Variants in A4GALT observed in about 807,000 individuals in gnomAD.
A4GALT encodes the protein alpha 1,4-galactosyltransferase (P1PK blood group).
For missense variants in A4GALT, 512 were observed against 486.0 expected (o/e 1.05, Z -0.50); for synonymous variants, 257 against 220.7 (o/e 1.16, Z -1.46).
intron 1 of A4GALT, among the ~76,000 whole-genome samples, chr22:42,719,841 G>C (rs1244328982): frequency 1.3e-5 from 2 of 152,198 alleles, no homozygotes; most frequent in African/African-American, 2.4e-5. Context: ...GACCCCAAGG[G>C]GCCTTCGCGG....
intron 1 of A4GALT, among the ~76,000 whole-genome samples, chr22:42,707,161 A>G (rs1387934303): frequency 6.6e-6 from 1 of 152,200 alleles, no homozygotes. Flanking sequence ...CCCTAGTGAT[A>G]GATACTGTGC....
chr22:42,692,838 G>A lies in A4GALT; in HGVS notation c.*52C>T, dbSNP rs6002903. 3.0e-4 allele frequency: 471 copies of A among 1,592,742 alleles called. 2 individuals are homozygous for A. In the African/African-American group the frequency reaches 5.6e-3, roughly 19 times the overall value. ...CCTCAATCTTGCCTCCCCGGGAAGG[G>A]CGGCCCAGTGCCCCATCAGGAGCAG... On this transcript the variant is annotated 3_prime_UTR_variant, in exon 3 of 3. Coordinates refer to ENST00000642412, the MANE Select transcript of A4GALT (RefSeq NM_017436.7). This position sits in a 1 kb window ranked among gnomAD's most constrained non-coding sequence, Gnocchi z 4.6.
Position 42,718,941 on chromosome 22 carries a change from C to T in A4GALT, c.-188+1856G>A, listed in dbSNP as rs143007391. Among the ~76,000 whole-genome samples the T allele has an allele frequency of 6.7e-3, 1,027 of 152,292 alleles. 11 individuals carry two copies. Among genetic ancestry groups the T allele is most frequent in the African/African-American group, 0.024 (1,003 of 41,570 alleles). On this transcript the variant is annotated intron_variant, in intron 1 of 2. Transcript: ENST00000642412. ...AGGCCGTCCACCTGCCACCACCTTC[C>T]GGGACCTGCATCCCCAGCTGAACTG...
chr22:42,709,052 T>TAA (rs1443033263), intron 1 of A4GALT, among the ~76,000 whole-genome samples: 1 of 102,870 alleles, frequency 9.7e-6, no homozygotes, highest in Non-Finnish European at 2.3e-5. Context: ...AATTTAAATA[T>TAA]ATATATATAT....
At position 42,692,980 on chromosome 22, in the gene A4GALT, C is replaced by T. The variant is rs752564398; in HGVS notation, c.972G>A (p.Thr324=). The T allele has an allele frequency of 3.7e-6, 6 of 1,613,244 alleles. No homozygotes were observed. The highest frequency in any genetic ancestry group is 1.3e-5 in the African/African-American group (1 of 74,930). The change falls in exon 3 of 3, where the codon ACG becomes ACA. Residue 324 remains threonine (T), a synonymous_variant. Coordinates refer to ENST00000642412, the MANE Select transcript of A4GALT (RefSeq NM_017436.7). The surrounding 1 kb of genome is among the most constrained non-coding windows in gnomAD (Gnocchi z 4.6). The part of the protein sequence containing the change: ...VHVWNKKSQG[T]RFEATSRALL... ...GTGCCCTGGACGTGGCCTCGAACCG[C>T]GTGCCCTGGCTCTTCTTGTTCCACA...
At chr22:42,698,840 C>T (rs534833070) in intron 1 of A4GALT, among the ~76,000 whole-genome samples, 1 of 152,214 alleles carries the variant, frequency 6.6e-6, no homozygotes, top group Non-Finnish European at 1.5e-5. Flanking sequence ...AGTAGAGAAG[C>T]CGGCCAAAAC....
At chr22:42,708,892 A>G (rs940910356) in intron 1 of A4GALT, among the ~76,000 whole-genome samples, 5 of 152,086 alleles carry the variant, frequency 3.3e-5, no homozygotes, top group Admixed American at 1.3e-4. Context: ...TAATCTACAC[A>G]GGACAACTTC....
rs1930500432 is a variant in A4GALT, at chr22:42,692,414, C to T, written c.*476G>A. ...CCCCCCGCGAAAGAGGAACCAAAAC[C>T]AGAAAAGAACAAAGCATCCTCCGCC... On this transcript the variant is annotated 3_prime_UTR_variant, in exon 3 of 3. Coordinates refer to ENST00000642412, the MANE Select transcript of A4GALT (RefSeq NM_017436.7). The surrounding 1 kb of genome is among the most constrained non-coding windows in gnomAD (Gnocchi z 4.6). 3.1e-6 allele frequency: 1 copy of T among 324,254 alleles called. No individual in the cohort carries two copies. The allele number at this position is 324,254 out of a possible 1,614,324, so 20.1% of individuals were successfully genotyped here.
chr22:42,718,922 T>C (rs2143920), intron 1 of A4GALT, among the ~76,000 whole-genome samples: 53,610 of 152,000 alleles, frequency 0.35, 9,729 homozygotes, highest in South Asian at 0.43. Flanking sequence ...GTGGAGGCCG[T>C]CCACCTGCCA....
chr22:42,697,192 G>A (rs1275818925), intron 1 of A4GALT, among the ~76,000 whole-genome samples: 3 of 152,140 alleles, frequency 2.0e-5, no homozygotes, highest in Non-Finnish European at 2.9e-5. Context: ...ATTAATGAAT[G>A]ATCAGTAAAT....
At chr22:42,713,804 C>A (rs1232178817) in intron 1 of A4GALT, among the ~76,000 whole-genome samples, 3 of 116,070 alleles carry the variant, frequency 2.6e-5, no homozygotes, top group Admixed American at 9.4e-5. Context: ...AAGAGCGAAA[C>A]TCTGTCAAAA....
chr22:42,705,322 C>T (rs1047389498), intron 1 of A4GALT, among the ~76,000 whole-genome samples: 34 of 152,254 alleles, frequency 2.2e-4, no homozygotes, highest in African/African-American at 6.0e-4. Flanking sequence ...TTGCCACAGC[C>T]GGGCGCAATG....
chr22:42,694,166 G>A (rs554602389), intron 2 of A4GALT, among the ~76,000 whole-genome samples, 169 bp from the exon 3 acceptor site: 5 of 152,372 alleles, frequency 3.3e-5, no homozygotes, highest in South Asian at 2.1e-4. Context: ...GCTCACCTAC[G>A]AAATGGGAGC....
At chr22:42,699,354 G>C (rs1230394453) in intron 1 of A4GALT, among the ~76,000 whole-genome samples, 1 of 152,098 alleles carries the variant, frequency 6.6e-6, no homozygotes, top group Non-Finnish European at 1.5e-5. Context: ...CAAAGTGCTG[G>C]GATTACAGGC....
At chr22:42,716,023 G>C (rs1479000343) in intron 1 of A4GALT, among the ~76,000 whole-genome samples, 1 of 151,810 alleles carries the variant, frequency 6.6e-6, no homozygotes, top group East Asian at 1.9e-4. Flanking sequence ...GTAGAGATAG[G>C]GTTTCTCCAT....
chr22:42,702,617 G>A (rs548145150), intron 1 of A4GALT, among the ~76,000 whole-genome samples: 2 of 152,176 alleles, frequency 1.3e-5, no homozygotes, highest in Non-Finnish European at 2.9e-5. Flanking sequence ...GATTACAGGC[G>A]TGAGCCGCCG....
chr22:42,695,355 G>A (rs1048533875), intron 2 of A4GALT, 136 bp downstream of exon 2: 6 of 152,254 alleles, frequency 3.9e-5, no homozygotes, highest in Admixed American at 2.0e-4. Flanking sequence ...CCCCTCCCAA[G>A]GACAGGCAGA....
At chr22:42,719,321 G>A (rs1368548342) in intron 1 of A4GALT, among the ~76,000 whole-genome samples, 1 of 152,146 alleles carries the variant, frequency 6.6e-6, no homozygotes, top group Non-Finnish European at 1.5e-5. Context: ...GACAACATTG[G>A]GTGTAGTGGT....
intron 1 of A4GALT, among the ~76,000 whole-genome samples, chr22:42,695,963 A>G (rs1053860699): frequency 6.6e-6 from 1 of 152,012 alleles, no homozygotes; most frequent in Non-Finnish European, 1.5e-5. Context: ...TCTCTACTAA[A>G]AATACAAAAA....
Sources: gnomAD v4.1 joint callset for allele counts (sites outside exome capture counted in the v4.1 genomes callset) on GRCh38, gnomAD v4.1.1 for gene constraint, Gnocchi (gnomAD v3.1) non-coding constraint, MANE v1.5 for transcripts, NCBI Gene and HGNC (gene_info 2026-07-23, HGNC 2026-07-21) for gene names.